WNT10A: variants seen among roughly 807,000 people sequenced by gnomAD.
WNT10A encodes the protein protein Wnt-10a.
In WNT10A, 37 loss-of-function variants were observed where a neutral mutation model predicts 36.1. The observed-to-expected ratio is 1.02, with a 90% CI of 0.79 to 1.35. The LOEUF is 1.35. WNT10A is among the 40% of genes most tolerant of loss of function. The pLI is 0.00. For synonymous variants in WNT10A, 255 were observed against 254.1 expected, an observed-to-expected ratio of 1.00 and a Z score of -0.03; for missense variants, 613 against 601.4, an observed-to-expected ratio of 1.02 and a Z score of -0.20.
rs747119693 is a variant in WNT10A, at chr2:218,890,350, G to T, written c.743G>T (p.Arg248Leu). The change falls in exon 3 of 4, where the codon CGA (arginine) becomes CTA (leucine). Residue 248 changes from arginine to leucine, a missense_variant. Physicochemically the swap from Arg to Leu is moderately radical, Grantham distance 102 (BLOSUM62 -2). Coordinates refer to ENST00000258411, the MANE Select transcript of WNT10A (RefSeq NM_025216.3). ...GCGAGAATGAGGCTTCACAACAACC[G>T]AGTTGGGAGGCAGGTGAGAGCCCCA... The part of the protein sequence containing the change: ...IHARMRLHNN[R>L]VGRQAVMENM... 3.1e-6 allele frequency: 5 copies of T among 1,599,972 alleles called. No homozygotes were observed. The highest frequency in any genetic ancestry group is 3.4e-6 in the Non-Finnish European group (4 of 1,179,926).
At chr2:218,877,039 G>A (rs115635768), upstream of WNT10A, among the ~76,000 whole-genome samples, 78 of 152,332 alleles carry the variant, frequency 5.1e-4, no homozygotes, top group African/African-American at 1.7e-3. The surrounding 1 kb of genome is among the most constrained non-coding windows in gnomAD (Gnocchi z 4.1). Context: ...CCTGCAGGGG[G>A]TGAGATAGGG....
upstream of WNT10A, among the ~76,000 whole-genome samples, chr2:218,875,990 CA>C (rs1238127986): frequency 2.0e-5 from 3 of 152,218 alleles, no homozygotes; most frequent in African/African-American, 7.2e-5. Context: ...CGTGGTGTCA[CA>C]GGCTTCTTTC....
chr2:218,889,999 C>T lies in WNT10A; in HGVS notation c.392C>T (p.Ala131Val). The change falls in exon 3 of 4, where the codon GCT (alanine) becomes GTT (valine). Residue 131 changes from alanine (A) to valine (V), a missense_variant. Physicochemically the swap from Ala to Val is moderately conservative, Grantham distance 64 (BLOSUM62 0). Coordinates refer to ENST00000258411, the MANE Select transcript of WNT10A (RefSeq NM_025216.3). ...PIFSRGFRES[A>V]FAYAIAAAGV... ...TTAACCACAGGTTTCCGAGAGAGCG[C>T]TTTTGCCTACGCCATCGCAGCAGCT... 6.2e-7 allele frequency: 1 copy of T among 1,613,088 alleles called. No individual in the cohort carries two copies. Among genetic ancestry groups the T allele is most frequent in the South Asian group, 1.1e-5 (1 of 91,026 alleles).
At chr2:218,881,321 C>G (rs1328387485) in intron 1 of WNT10A, among the ~76,000 whole-genome samples, 1 of 152,094 alleles carries the variant, frequency 6.6e-6, no homozygotes, top group Admixed American at 6.5e-5. Context: ...CAAGGCAGTG[C>G]CCAGGAGCAT....
At chr2:218,883,994 G>C (rs985089139) in intron 2 of WNT10A, 9 of 152,260 alleles carry the variant, frequency 5.9e-5, no homozygotes, top group African/African-American at 2.2e-4. Context: ...GGGGCCCTCG[G>C]GTACCCCATG....
intron 3 of WNT10A, 43 bp downstream of exon 3, chr2:218,890,406 AG>A (rs1160767411): frequency 9.4e-6 from 15 of 1,598,698 alleles, no homozygotes; most frequent in Non-Finnish European, 1.2e-5. Flanking sequence ...CTCTTTGCCT[AG>A]GGCCTACCCC....
intron 3 of WNT10A, among the ~76,000 whole-genome samples, chr2:218,890,932 G>A (rs1490205298): frequency 6.6e-6 from 1 of 151,974 alleles, no homozygotes; most frequent in Admixed American, 6.5e-5. Flanking sequence ...CTACCTCAAG[G>A]GTCATTCATT....
In WNT10A at chr2:218,889,994, G is replaced by C. The variant is rs1378858796; in HGVS notation, c.387G>C (p.Glu129Asp). The C allele has an allele frequency of 2.5e-6, 4 of 1,612,896 alleles. No individual in the cohort carries two copies. The highest frequency in any genetic ancestry group is 3.4e-6 in the Non-Finnish European group (4 of 1,180,048). ...GGTCTTTAACCACAGGTTTCCGAGAGAGCGCTTTTGCCTACGCCATCGCAG... is the reference window on the plus strand; with the variant it reads ...GGTCTTTAACCACAGGTTTCCGAGACAGCGCTTTTGCCTACGCCATCGCAG... Reference protein sequence around the residue: ...ESPIFSRGFRESAFAYAIAAA... With the variant: ...ESPIFSRGFRDSAFAYAIAAA... The change falls in exon 3 of 4, where the codon GAG (glutamate) becomes GAC (aspartate). Residue 129 changes from glutamate (E) to aspartate (D), a missense_variant. Coordinates refer to ENST00000258411, the MANE Select transcript of WNT10A (RefSeq NM_025216.3).
At chr2:218,887,108 T>G (rs1206452280) in intron 2 of WNT10A, among the ~76,000 whole-genome samples, 2 of 152,188 alleles carry the variant, frequency 1.3e-5, no homozygotes, top group Non-Finnish European at 2.9e-5. Context: ...CTGAGCTACC[T>G]GGGTTTCTTT....
At position 218,892,863 on chromosome 2, in the gene WNT10A, G is replaced by T; in HGVS notation, c.846G>T (p.Glu282Asp). The T allele has an allele frequency of 6.3e-7, 1 of 1,582,056 alleles. No homozygotes were observed. The highest frequency in any genetic ancestry group is 8.6e-7 in the Non-Finnish European group (1 of 1,166,144). Residue 282 changes from glutamate (E) to aspartate (D), a missense_variant, in exon 4 of 4, where the codon GAG becomes GAT. Transcript: ENST00000258411. ...AGACGTGCTGGCAGGTGACGCCCGA[G>T]TTCCGCACCGTGGGGGCGCTGCTGC... ...QLKTCWQVTPEFRTVGALLRS... is the reference protein window; with the variant it reads ...QLKTCWQVTPDFRTVGALLRS...
chr2:218,874,731 G>A, the WNT10A span, among the ~76,000 whole-genome samples: 1 of 152,164 alleles, frequency 6.6e-6, no homozygotes, highest in Non-Finnish European at 1.5e-5. Context: ...AGGTATGGAG[G>A]ACAAAAAATG....
At position 218,893,293 on chromosome 2, in the gene WNT10A, C is replaced by T. The variant is rs1226689369; in HGVS notation, c.*22C>T. On this transcript the variant is annotated 3_prime_UTR_variant, in exon 4 of 4. Coordinates refer to ENST00000258411, the MANE Select transcript of WNT10A (RefSeq NM_025216.3). This position sits in a 1 kb window ranked among gnomAD's most constrained non-coding sequence, Gnocchi z 6.3. ...GTGAGCGGCCCGGGGTCCCCTGGGC[C>T]CTGATCGAGGTCCCCTCCTGGAGCC... 9.8e-6 allele frequency: 15 copies of T among 1,536,628 alleles called. No homozygotes were observed. The highest frequency in any genetic ancestry group is 2.1e-4 in the Middle Eastern group (1 of 4,664).
Position 218,881,106 on chromosome 2 carries a change from C to T in WNT10A, c.111C>T (p.Pro37=). The T allele has an allele frequency of 6.3e-7, 1 of 1,593,024 alleles. No individual in the cohort carries two copies. The highest frequency in any genetic ancestry group is 8.6e-7 in the Non-Finnish European group (1 of 1,169,460). ...TACTGCTGCTGGCTGCTGCCATGCCCAGGTGAGCCCTCACCTCATGCTCCG... is the reference window on the plus strand; with the variant it reads ...TACTGCTGCTGGCTGCTGCCATGCCTAGGTGAGCCCTCACCTCATGCTCCG... ...FFLLLLAAAM[P]RSAPNDILDL... The change falls in exon 1 of 4, where the codon CCC becomes CCT. Residue 37 remains proline, a splice_region_variant and synonymous_variant. Coordinates refer to ENST00000258411, the MANE Select transcript of WNT10A (RefSeq NM_025216.3).
upstream of WNT10A, among the ~76,000 whole-genome samples, chr2:218,878,064 GC>G (rs1944469186): frequency 6.6e-6 from 1 of 152,096 alleles, no homozygotes; most frequent in Non-Finnish European, 1.5e-5. The surrounding 1 kb of genome is among the most constrained non-coding windows in gnomAD (Gnocchi z 4.1). Flanking sequence ...GTGCTCCCCC[GC>G]CCCCCAGTGG....
rs1944536088 is a variant in WNT10A, at chr2:218,883,044, T to C, written c.376+621T>C. Among the ~76,000 whole-genome samples the C allele has an allele frequency of 2.0e-5, 3 of 152,204 alleles. No homozygotes were observed. In the South Asian group the frequency reaches 6.2e-4, roughly 31 times the overall value. On this transcript the variant is annotated intron_variant, in intron 2 of 3. Coordinates refer to ENST00000258411, the MANE Select transcript of WNT10A (RefSeq NM_025216.3). The stretch of plus-strand genomic sequence containing the variant: ...GTAGTCCTGTCAACTCCTCTTCCCC[T>C]AACAGCTCAGAGAAGCTGCAGTCCA...
chr2:218,886,480 C>T (rs970277002), intron 2 of WNT10A, among the ~76,000 whole-genome samples: 11 of 152,224 alleles, frequency 7.2e-5, no homozygotes, highest in African/African-American at 2.7e-4. Flanking sequence ...TCCACCCTCC[C>T]CTACCCTCCA....
rs754001343 is a variant in WNT10A, at chr2:218,882,374, C to G, written c.327C>G (p.Ser109Arg). ...QFRDQRWNCS[S>R]LETRNKIPYE... ...GGGACCAGCGCTGGAACTGCTCAAG[C>G]CTGGAGACTCGCAACAAGATCCCCT... Residue 109 changes from serine to arginine, a missense_variant, in exon 2 of 4, where the codon AGC (serine) becomes AGG (arginine). Ser to Arg is a moderately radical substitution (Grantham distance 110, BLOSUM62 -1). Coordinates refer to ENST00000258411, the MANE Select transcript of WNT10A (RefSeq NM_025216.3). The G allele has an allele frequency of 1.9e-6, 3 of 1,614,188 alleles. No homozygotes were observed. Among genetic ancestry groups the G allele is most frequent in the Non-Finnish European group, 2.5e-6 (3 of 1,180,020 alleles).
intron 3 of WNT10A, 50 bp from the exon 4 acceptor site, chr2:218,892,724 G>T: frequency 6.4e-7 from 1 of 1,551,660 alleles, no homozygotes; most frequent in South Asian, 1.2e-5. Context: ...GCGCTGGGAG[G>T]GGAGTGGGGC....
chr2:218,878,971 T>C (rs1416590303), upstream of WNT10A, among the ~76,000 whole-genome samples: 1 of 151,964 alleles, frequency 6.6e-6, no homozygotes, highest in Non-Finnish European at 1.5e-5. The surrounding 1 kb of genome is among the most constrained non-coding windows in gnomAD (Gnocchi z 4.1). Flanking sequence ...GTAGGGAGAG[T>C]GGGGAGGGCA....
Sources: gnomAD v4.1 joint callset for allele counts (sites outside exome capture counted in the v4.1 genomes callset) on GRCh38, gnomAD v4.1.1 for gene constraint, Gnocchi (gnomAD v3.1) non-coding constraint, MANE v1.5 for transcripts, NCBI Gene and HGNC (gene_info 2026-07-23, HGNC 2026-07-21) for gene names.